SHISA9: variants seen among roughly 807,000 people sequenced by gnomAD.
SHISA9 encodes shisa family member 9, also known as protein shisa-9.
Under a neutral mutation model 38.0 loss-of-function variants are expected in SHISA9, and 13 were observed. The observed-to-expected ratio is 0.34, with a 90% confidence interval of 0.22 to 0.54. The LOEUF is 0.54. Among genes scored for constraint, SHISA9 ranks in the 20% least tolerant of loss-of-function variants. The pLI, the probability that SHISA9 is intolerant of heterozygous loss-of-function variation, is 0.91. For synonymous variants in SHISA9, 275 were observed against 242.0 expected (o/e 1.14, Z -1.27); for missense variants, 538 against 575.8 (o/e 0.93, Z 0.67).
At chr16:13,080,745 T>C (rs113495474) in intron 2 of SHISA9, among the ~76,000 whole-genome samples, 7,054 of 152,282 alleles carry the variant, frequency 0.046, 329 homozygotes, top group Admixed American at 0.14. Flanking sequence ...AGACATAAAA[T>C]AGCCATGCTG....
chr16:13,165,971 C>T (rs1374277405), intron 2 of SHISA9, among the ~76,000 whole-genome samples: 1 of 152,082 alleles, frequency 6.6e-6, no homozygotes, highest in African/African-American at 2.4e-5. Flanking sequence ...ATTATCAGCC[C>T]GAGTCTGGAG....
At chr16:12,987,508 A>G (rs1484182218) in intron 2 of SHISA9, among the ~76,000 whole-genome samples, 1 of 152,158 alleles carries the variant, frequency 6.6e-6, no homozygotes, top group Non-Finnish European at 1.5e-5. Flanking sequence ...AAAACCGAAT[A>G]CCACATGTTC....
At chr16:13,294,924 A>C in the SHISA9 span, among the ~76,000 whole-genome samples, 3 of 152,196 alleles carry the variant, frequency 2.0e-5, no homozygotes, top group Non-Finnish European at 4.4e-5. Context: ...TAACATTTAC[A>C]TGTGGGAGGC....
intron 2 of SHISA9, among the ~76,000 whole-genome samples, chr16:12,925,224 C>T (rs1253437208): frequency 6.6e-6 from 1 of 151,966 alleles, no homozygotes; most frequent in Non-Finnish European, 1.5e-5. Flanking sequence ...AAGAAACCGT[C>T]AATTCCTTCC....
the SHISA9 span, among the ~76,000 whole-genome samples, chr16:13,521,278 C>T: frequency 6.6e-6 from 1 of 152,228 alleles, no homozygotes; most frequent in African/African-American, 2.4e-5. Context: ...TTGGTAAAAT[C>T]CTGTATCTTC....
chr16:12,916,541 C>T lies in SHISA9; in HGVS notation c.564-147C>T, dbSNP rs187042149. On this transcript the variant is annotated intron_variant, in intron 1 of 4. Transcript: ENST00000558583. The stretch of plus-strand genomic sequence containing the variant: ...TAATTACAGTGATTTTATTTACTTA[C>T]GTTTTTCTCTACTCCACCCCTAACT... 23 of 914,482 alleles carry T rather than the reference C, an allele frequency of 2.5e-5. No homozygotes were observed. The Admixed American group carries it at 3.7e-4, about 15-fold the overall frequency. 56.6% of individuals were successfully genotyped at this position (914,482 alleles called of 1,614,324 possible).
the SHISA9 span, among the ~76,000 whole-genome samples, chr16:13,486,850 A>AT: frequency 6.6e-6 from 1 of 152,210 alleles, no homozygotes; most frequent in Non-Finnish European, 1.5e-5. Flanking sequence ...GATTACAGGC[A>AT]TGCGCCACCG....
chr16:13,132,353 ATAT>A (rs1222367051), intron 2 of SHISA9, among the ~76,000 whole-genome samples: 1 of 150,580 alleles, frequency 6.6e-6, no homozygotes, highest in African/African-American at 2.5e-5. Context: ...ATTGCTGCTA[ATAT>A]TATTATTTTT....
the SHISA9 span, among the ~76,000 whole-genome samples, chr16:13,248,093 C>G: frequency 1.2e-4 from 19 of 152,264 alleles, no homozygotes; most frequent in African/African-American, 3.6e-4. Context: ...ATCCAGGATG[C>G]CAAAAGTCAG....
the SHISA9 span, among the ~76,000 whole-genome samples, chr16:13,258,078 C>T: frequency 2.6e-5 from 4 of 152,226 alleles, no homozygotes; most frequent in East Asian, 7.7e-4. Context: ...TCTGTAAGGC[C>T]GTGTAATTGT....
chr16:13,508,839 T>G, the SHISA9 span, among the ~76,000 whole-genome samples: 24 of 152,254 alleles, frequency 1.6e-4, no homozygotes, highest in African/African-American at 5.8e-4. Context: ...TGAAAAACCT[T>G]CCACTCTTCT....
At chr16:13,360,343 T>C in the SHISA9 span, among the ~76,000 whole-genome samples, 1 of 152,308 alleles carries the variant, frequency 6.6e-6, no homozygotes, top group Middle Eastern at 3.4e-3. Flanking sequence ...GGTTTGGCTA[T>C]GTCACCACCC....
chr16:13,480,340 C>G, the SHISA9 span, among the ~76,000 whole-genome samples: 1 of 152,254 alleles, frequency 6.6e-6, no homozygotes, highest in East Asian at 1.9e-4. Flanking sequence ...CTGAGAACTG[C>G]TCTGTTTCAT....
chr16:12,946,904 G>C lies in SHISA9; in HGVS notation c.691+30089G>C, dbSNP rs78138546. ...TGTTATTGTAAATTAAGTTTTACTAGAACACAGACACGCTCATTTTTTCAC... is the reference window on the plus strand; with the variant it reads ...TGTTATTGTAAATTAAGTTTTACTACAACACAGACACGCTCATTTTTTCAC... On this transcript the variant is annotated intron_variant, in intron 2 of 4. Coordinates refer to ENST00000558583, the MANE Select transcript of SHISA9 (RefSeq NM_001145204.3). Among the ~76,000 whole-genome samples, 89 of 152,370 alleles carry C rather than the reference G, an allele frequency of 5.8e-4. 1 individual carries two copies. The East Asian group carries it at 0.016, about 27-fold the overall frequency.
At chr16:13,151,182 C>T (rs1156652434) in intron 2 of SHISA9, among the ~76,000 whole-genome samples, 1 of 152,184 alleles carries the variant, frequency 6.6e-6, no homozygotes, top group Non-Finnish European at 1.5e-5. Flanking sequence ...TCTCACCTCA[C>T]TGCAACATTT....
At chr16:13,499,895 G>A in the SHISA9 span, among the ~76,000 whole-genome samples, 3 of 152,188 alleles carry the variant, frequency 2.0e-5, no homozygotes, top group Non-Finnish European at 4.4e-5. Flanking sequence ...TGGTTGAGCA[G>A]GAACGATGTG....
intron 2 of SHISA9, among the ~76,000 whole-genome samples, chr16:13,017,231 G>A (rs1490629150): frequency 6.6e-6 from 1 of 152,100 alleles, no homozygotes; most frequent in African/African-American, 2.4e-5. Flanking sequence ...TGTTGGCCAG[G>A]CTGGTCTCAA....
chr16:13,537,659 C>T, the SHISA9 span, among the ~76,000 whole-genome samples: 3 of 152,038 alleles, frequency 2.0e-5, no homozygotes, highest in Non-Finnish European at 4.4e-5. Context: ...TTTTTGGCGG[C>T]CGTGGGACAA....
At chr16:13,488,651 T>C in the SHISA9 span, among the ~76,000 whole-genome samples, 18 of 149,020 alleles carry the variant, frequency 1.2e-4, no homozygotes, top group Admixed American at 4.7e-4. Context: ...CCATATATCC[T>C]GAGTATGTAG....
Sources: gnomAD v4.1 joint callset for allele counts (sites outside exome capture counted in the v4.1 genomes callset) on GRCh38, gnomAD v4.1.1 for gene constraint, MANE v1.5 for transcripts, NCBI Gene and HGNC (gene_info 2026-07-23, HGNC 2026-07-21) for gene names.